Variants in NR5A2 observed in about 807,000 individuals in gnomAD.
The protein encoded by NR5A2 is CYP7A promoter-binding factor.
In NR5A2, 26 loss-of-function variants were observed where a neutral mutation model predicts 62.7. The ratio of observed to expected loss-of-function variants is 0.41; its 90% CI spans 0.30 to 0.58. The LOEUF is 0.58. Among genes scored for constraint, NR5A2 ranks in the 20% least tolerant of loss-of-function variants. The probability of loss-of-function intolerance (pLI) is 0.22; values close to 1 mark genes in which losing one functional copy is unlikely to be tolerated. For missense variants in NR5A2, 541 were observed against 669.1 expected (o/e 0.81, Z 2.11); for synonymous variants, 246 against 241.7 (o/e 1.02, Z -0.16).
Position 200,091,598 on chromosome 1 carries a change from C to T in NR5A2, c.1111-19604C>T, listed in dbSNP as rs560164598. 5.0e-4 allele frequency among the ~76,000 whole-genome samples: 76 copies of T among 151,740 alleles called. 1 individual carries two copies. Among genetic ancestry groups the T allele is most frequent in the African/African-American group, 1.7e-3 (72 of 41,410 alleles). On this transcript the variant is annotated intron_variant, in intron 5 of 7. Coordinates refer to ENST00000367362, the MANE Select transcript of NR5A2 (RefSeq NM_205860.3). ...CTCCCAGGTTCAAGCGATTCTCCTG[C>T]CTCAGCCTCCTGAGTAGCTGGGACT... is the stretch of plus-strand genomic sequence containing the variant.
At chr1:200,032,165 A>G (rs1661572265) in intron 1 of NR5A2, among the ~76,000 whole-genome samples, 1 of 152,144 alleles carries the variant, frequency 6.6e-6, no homozygotes, top group African/African-American at 2.4e-5. Flanking sequence ...TTTGAGTTGC[A>G]CTTCCTCACG....
chr1:200,050,416 C>T (rs1662574089), intron 5 of NR5A2, among the ~76,000 whole-genome samples: 1 of 152,092 alleles, frequency 6.6e-6, no homozygotes, highest in South Asian at 2.1e-4. Flanking sequence ...TTCTCTGAGC[C>T]TTGGTTTTTC....
chr1:200,146,484 A>G (rs1008830568), intron 7 of NR5A2, among the ~76,000 whole-genome samples: 3 of 152,236 alleles, frequency 2.0e-5, no homozygotes, highest in Admixed American at 2.0e-4. Context: ...AGTGGGTACC[A>G]TGGAAACCAC....
At chr1:200,094,801 G>A (rs1665000809) in intron 5 of NR5A2, among the ~76,000 whole-genome samples, 1 of 151,776 alleles carries the variant, frequency 6.6e-6, no homozygotes, top group Admixed American at 6.6e-5. Flanking sequence ...CAAAGTGCTG[G>A]GATTACAGGC....
At chr1:200,108,883 G>A (rs1665813573) in intron 5 of NR5A2, among the ~76,000 whole-genome samples, 3 of 152,174 alleles carry the variant, frequency 2.0e-5, no homozygotes, top group Admixed American at 2.0e-4. Flanking sequence ...AGGACGTTAG[G>A]CCACAGCTCC....
At chr1:200,066,669 C>A (rs1246424566) in intron 5 of NR5A2, among the ~76,000 whole-genome samples, 1 of 147,384 alleles carries the variant, frequency 6.8e-6, no homozygotes, top group African/African-American at 2.6e-5. Flanking sequence ...CTCACAGCAA[C>A]CTCTGCCTCC....
At chr1:200,136,321 C>A (rs748656421) in intron 7 of NR5A2, among the ~76,000 whole-genome samples, 8 of 151,828 alleles carry the variant, frequency 5.3e-5, no homozygotes, top group Non-Finnish European at 7.4e-5. Flanking sequence ...TGGGTTCGGG[C>A]GATTTGAACA....
chr1:200,118,268 C>T (rs1394594602), intron 6 of NR5A2, among the ~76,000 whole-genome samples: 2 of 152,086 alleles, frequency 1.3e-5, no homozygotes, highest in Non-Finnish European at 1.5e-5. Context: ...CCACCCACCT[C>T]GGCCTCCCAA....
intron 5 of NR5A2, among the ~76,000 whole-genome samples, chr1:200,109,784 A>C (rs911515589): frequency 6.6e-6 from 1 of 152,192 alleles, no homozygotes; most frequent in African/African-American, 2.4e-5. Flanking sequence ...TCTTATTTTG[A>C]GATGGAATCT....
chr1:200,094,399 G>A (rs1664972546), intron 5 of NR5A2, among the ~76,000 whole-genome samples: 2 of 151,490 alleles, frequency 1.3e-5, no homozygotes, highest in South Asian at 4.2e-4. Flanking sequence ...TGCCCAGGCT[G>A]GTCTTGAACT....
intron 6 of NR5A2, 95 bp downstream of exon 6, chr1:200,111,416 T>A: frequency 7.3e-7 from 1 of 1,372,666 alleles, no homozygotes; most frequent in Non-Finnish European, 9.8e-7. Context: ...ACTCTTGTGC[T>A]TTGAAAGGGA....
chr1:200,033,717 C>G (rs940967253), intron 1 of NR5A2, among the ~76,000 whole-genome samples: 2 of 152,194 alleles, frequency 1.3e-5, no homozygotes, highest in Non-Finnish European at 2.9e-5. Context: ...CTCGTAATCG[C>G]GAAAGTTATC....
intron 7 of NR5A2, among the ~76,000 whole-genome samples, chr1:200,152,590 T>A (rs1653181773): frequency 6.6e-6 from 1 of 152,214 alleles, no homozygotes; most frequent in South Asian, 2.1e-4. Context: ...TTTAAAATAC[T>A]GATGAATTTG....
Position 200,044,167 on chromosome 1 carries a change from T to C in NR5A2, c.321+275T>C, listed in dbSNP as rs188751127. 1.3e-4 allele frequency: 33 copies of C among 253,416 alleles called. No individual in the cohort carries two copies. In the East Asian group the frequency reaches 2.5e-3, roughly 19 times the overall value. 15.7% of individuals were successfully genotyped at this position (253,416 alleles called of 1,614,324 possible). ...GATATAGCTGTAGAAAGACTTCCAT[T>C]TCTAACAGTCCTAAATATTGATTTT... On this transcript the variant is annotated intron_variant, in intron 3 of 7. Transcript: ENST00000367362.
chr1:200,153,015 T>C (rs189915242), intron 7 of NR5A2, among the ~76,000 whole-genome samples: 23 of 152,374 alleles, frequency 1.5e-4, no homozygotes, highest in African/African-American at 4.3e-4. Flanking sequence ...GCCTTTCTAT[T>C]TGCCAGTGTC....
chr1:200,120,146 G>A (rs12133107), intron 6 of NR5A2, among the ~76,000 whole-genome samples: 36,527 of 152,046 alleles, frequency 0.24, 4,905 homozygotes, highest in Admixed American at 0.32. Flanking sequence ...CACTTCTGCT[G>A]TTCTATAAAG....
Position 200,147,558 on chromosome 1 carries a change from T to G in NR5A2, c.1379-26405T>G. ...GTGATTTCCTTGGTTTCTCCATTGGTGTGCTTAAAGCGATCTCCTCTACAC... is the reference window on the plus strand; with the variant it reads ...GTGATTTCCTTGGTTTCTCCATTGGGGTGCTTAAAGCGATCTCCTCTACAC... On this transcript the variant is annotated intron_variant, in intron 7 of 7. Coordinates refer to ENST00000367362, the MANE Select transcript of NR5A2 (RefSeq NM_205860.3). This position sits in a 1 kb window ranked among gnomAD's most constrained non-coding sequence, Gnocchi z 4.9. The G allele has an allele frequency of 1.4e-6, 1 of 696,852 alleles. No homozygotes were observed. Among genetic ancestry groups the G allele is most frequent in the South Asian group, 1.3e-5 (1 of 74,182 alleles). 43.2% of individuals were successfully genotyped at this position (696,852 alleles called of 1,614,324 possible).
chr1:200,169,975 G>C (rs1654095984), intron 7 of NR5A2, among the ~76,000 whole-genome samples: 1 of 152,180 alleles, frequency 6.6e-6, no homozygotes, highest in South Asian at 2.1e-4. Flanking sequence ...TTTTCCTCCA[G>C]CTGGGGGTCT....
At chr1:200,061,226 A>G (rs1443370650) in intron 5 of NR5A2, among the ~76,000 whole-genome samples, 1 of 151,454 alleles carries the variant, frequency 6.6e-6, no homozygotes, top group Non-Finnish European at 1.5e-5. Flanking sequence ...ATTATTTTGA[A>G]TATTTGGAAA....
Sources: allele counts gnomAD v4.1 joint callset (sites outside exome capture counted in the v4.1 genomes callset), GRCh38; gene constraint gnomAD v4.1.1; non-coding constraint Gnocchi (gnomAD v3.1); transcripts MANE v1.5; gene names NCBI Gene and HGNC (gene_info 2026-07-23, HGNC 2026-07-21).